Variants in SLC35F4 observed in about 807,000 individuals in gnomAD.
The protein encoded by SLC35F4 is solute carrier family 35 member F4.
SLC35F4 carries 24 observed loss-of-function variants against 44.2 expected under a neutral mutation model. The ratio of observed to expected loss-of-function variants is 0.54; its 90% CI spans 0.39 to 0.76. SLC35F4 has a LOEUF of 0.76. SLC35F4 is among the 30% of genes least tolerant of loss of function. The pLI is 0.00. For missense variants in SLC35F4, 562 were observed against 586.1 expected (o/e 0.96, Z 0.42); for synonymous variants, 238 against 223.6 (o/e 1.06, Z -0.57).
In SLC35F4 at chr14:57,865,843, G is replaced by A. The variant is rs77735649; in HGVS notation, c.-18C>T. On this transcript the variant is annotated 5_prime_UTR_variant, in exon 1 of 8. Transcript: ENST00000556826. ...ACATCCATAGAGAGCGCGGGGCGAC[G>A]GCCCCGAGTGCGGCGGGGCGGAGAG... 1,347 of 1,483,136 alleles carry A rather than the reference G, an allele frequency of 9.1e-4. 10 individuals carry two copies. The African/African-American group carries it at 0.017, about 19-fold the overall frequency. The allele number at this position is 1,483,136 out of a possible 1,614,324, so 91.9% of individuals were successfully genotyped here. A position where few individuals can be genotyped will look rare whatever the true frequency, so the allele number is the denominator to read the frequency against.
At chr14:57,945,276 C>T (rs1016999999) in intron 1 of SLC35F4, among the ~76,000 whole-genome samples, 5 of 151,968 alleles carry the variant, frequency 3.3e-5, no homozygotes, top group African/African-American at 1.2e-4. Context: ...CCAAAGAGGC[C>T]AGAGCCCAGA....
At chr14:57,575,685 T>G (rs1401980153) in intron 4 of SLC35F4, among the ~76,000 whole-genome samples, 7 of 152,228 alleles carry the variant, frequency 4.6e-5, no homozygotes, top group East Asian at 1.9e-4. Context: ...TAGCCCATTA[T>G]CTCAGCATGC....
intron 1 of SLC35F4, among the ~76,000 whole-genome samples, chr14:57,977,537 T>A (rs1049722983): frequency 2.6e-5 from 4 of 152,224 alleles, no homozygotes; most frequent in Non-Finnish European, 5.9e-5. Context: ...TATGGTCACC[T>A]GAGTGCAGCT....
intron 1 of SLC35F4, among the ~76,000 whole-genome samples, chr14:57,754,751 T>C (rs1036611906): frequency 5.9e-5 from 9 of 152,132 alleles, no homozygotes; most frequent in African/African-American, 1.7e-4. Context: ...ATAGCAAAGA[T>C]AAGAATCAGT....
chr14:57,960,319 G>T (rs1183914464), intron 1 of SLC35F4, among the ~76,000 whole-genome samples: 1 of 152,168 alleles, frequency 6.6e-6, no homozygotes, highest in Non-Finnish European at 1.5e-5. Flanking sequence ...TCACTCAGAC[G>T]TCACATGACA....
At chr14:57,738,355 AGT>A (rs2076516435) in intron 1 of SLC35F4, among the ~76,000 whole-genome samples, 1 of 152,108 alleles carries the variant, frequency 6.6e-6, no homozygotes, top group African/African-American at 2.4e-5. Context: ...CTTCTAAGCG[AGT>A]GTACCTGACT....
intron 1 of SLC35F4, among the ~76,000 whole-genome samples, chr14:57,658,939 C>G (rs1044980721): frequency 2.0e-5 from 3 of 152,054 alleles, no homozygotes; most frequent in Non-Finnish European, 4.4e-5. Flanking sequence ...AGGAAGAAGT[C>G]AGCAAGACCC....
intron 1 of SLC35F4, among the ~76,000 whole-genome samples, chr14:57,971,389 A>G (rs2141094709): frequency 6.6e-6 from 1 of 152,322 alleles, no homozygotes; most frequent in East Asian, 1.9e-4. Context: ...CAAACTAATA[A>G]ACTTTGAGTA....
At chr14:57,960,800 G>A (rs1890324209) in intron 1 of SLC35F4, among the ~76,000 whole-genome samples, 1 of 152,164 alleles carries the variant, frequency 6.6e-6, no homozygotes, top group African/African-American at 2.4e-5. Context: ...GAGGCCAGTG[G>A]AAGAAGTTAG....
intron 1 of SLC35F4, among the ~76,000 whole-genome samples, chr14:57,731,121 T>C (rs560815713): frequency 6.6e-6 from 1 of 152,284 alleles, no homozygotes; most frequent in African/African-American, 2.4e-5. Context: ...CCTCATCTTA[T>C]TGAGGAAAGG....
At chr14:57,702,434 T>C (rs1016648961) in intron 1 of SLC35F4, among the ~76,000 whole-genome samples, 2 of 152,112 alleles carry the variant, frequency 1.3e-5, no homozygotes, top group African/African-American at 4.8e-5. Flanking sequence ...TAAATAATAT[T>C]CTGTTACAGT....
chr14:57,585,589 A>T (rs1445297139), intron 3 of SLC35F4, among the ~76,000 whole-genome samples: 3 of 152,160 alleles, frequency 2.0e-5, no homozygotes, highest in Non-Finnish European at 4.4e-5. Context: ...CTATTAAGAA[A>T]ACCCTACCGC....
At position 57,865,804 on chromosome 14, in the gene SLC35F4, T is replaced by C. The variant is rs900650588; in HGVS notation, c.22A>G (p.Asn8Asp). 1 of 1,519,226 alleles carries C rather than the reference T, an allele frequency of 6.6e-7. No individual in the cohort carries two copies. Among genetic ancestry groups the C allele is most frequent in the Non-Finnish European group, 8.8e-7 (1 of 1,139,998 alleles). The allele number at this position is 1,519,226 out of a possible 1,614,324, so 94.1% of individuals were successfully genotyped here. A position where few individuals can be genotyped will look rare whatever the true frequency, so the allele number is the denominator to read the frequency against. Residue 8 changes from asparagine to aspartate, a missense_variant, in exon 1 of 8, where the codon AAC (asparagine) becomes GAC (aspartate). Coordinates refer to ENST00000556826, the MANE Select transcript of SLC35F4 (RefSeq NM_001306087.2). MDVKAAP[N>D]GVATIEDRIL... is the part of the protein sequence containing the mutation. ...CGGTCCTCGATAGTGGCCACCCCGT[T>C]GGGGGCCGCCTTGACATCCATAGAG...
At chr14:57,716,969 A>G (rs1286404390) in intron 1 of SLC35F4, among the ~76,000 whole-genome samples, 1 of 152,130 alleles carries the variant, frequency 6.6e-6, no homozygotes, top group Non-Finnish European at 1.5e-5. Context: ...AGAATATGTG[A>G]TATTTGTCTT....
At chr14:57,856,529 A>C (rs1344407954) in intron 1 of SLC35F4, among the ~76,000 whole-genome samples, 2 of 152,084 alleles carry the variant, frequency 1.3e-5, no homozygotes, top group African/African-American at 4.8e-5. Context: ...TTATATGTAA[A>C]TTTATATTTT....
intron 1 of SLC35F4, among the ~76,000 whole-genome samples, chr14:57,649,077 C>T (rs1243854284): frequency 6.6e-6 from 1 of 152,160 alleles, no homozygotes; most frequent in Non-Finnish European, 1.5e-5. Flanking sequence ...TCAGAGATGC[C>T]TTCCTGATCC....
chr14:57,761,493 T>A (rs1187879804), intron 1 of SLC35F4, among the ~76,000 whole-genome samples: 1 of 149,870 alleles, frequency 6.7e-6, no homozygotes, highest in Non-Finnish European at 1.5e-5. Context: ...GTGTACAAAG[T>A]TAAGTTTTAG....
rs1261012117 is a variant in SLC35F4, at chr14:57,808,074, C to T, written c.103+57649G>A. ...TTCAGTTACCTCCCACCAGGTCCCT[C>T]CCATGACACACCTGGGGATAATGGG... On this transcript the variant is annotated intron_variant, in intron 1 of 7. Coordinates refer to ENST00000556826, the MANE Select transcript of SLC35F4 (RefSeq NM_001306087.2). Among the ~76,000 whole-genome samples, 4 of 151,874 alleles carry T rather than the reference C, an allele frequency of 2.6e-5. 2 individuals are homozygous for T. The highest frequency in any genetic ancestry group is 9.7e-5 in the African/African-American group (4 of 41,132).
intron 4 of SLC35F4, among the ~76,000 whole-genome samples, chr14:57,577,531 TAAGAG>T (rs780087489): frequency 7.2e-5 from 11 of 151,954 alleles, no homozygotes; most frequent in South Asian, 2.1e-4. Context: ...TATAAAAAAA[TAAGAG>T]AGGGACAAAA....
Sources: gnomAD v4.1 joint callset for allele counts (sites outside exome capture counted in the v4.1 genomes callset) on GRCh38, gnomAD v4.1.1 for gene constraint, MANE v1.5 for transcripts, NCBI Gene and HGNC (gene_info 2026-07-23, HGNC 2026-07-21) for gene names.